The following LRRC71 variants were observed in gnomAD, a reference collection of about 807,000 sequenced individuals.
LRRC71 encodes the protein leucine rich repeat containing 71.
Under a neutral mutation model 66.6 loss-of-function variants are expected in LRRC71, and 54 were observed. The observed-to-expected ratio is 0.81, with a 90% CI of 0.65 to 1.02. The LOEUF (loss-of-function observed/expected upper bound fraction) is 1.02. Ranked by LOEUF, LRRC71 falls within the 50% of genes least tolerant of loss-of-function variation. LRRC71 has a pLI of 0.00. For missense variants in LRRC71, 724 were observed against 718.0 expected, an observed-to-expected ratio of 1.01 and a Z score of -0.10; for synonymous variants, 323 against 303.9, an observed-to-expected ratio of 1.06 and a Z score of -0.65.
Position 156,927,282 on chromosome 1 carries a change from T to A in LRRC71, c.662+12T>A. ...GCCTTGGACAGCACGTGAGACTCCC[T>A]GCCCTCACCCCCTTTCTCTGGGCCT... On this transcript the variant is annotated intron_variant, in intron 6 of 14. Coordinates refer to ENST00000337428, the MANE Select transcript of LRRC71 (RefSeq NM_144702.3). The A allele has an allele frequency of 1.9e-6, 3 of 1,612,568 alleles. No individual in the cohort carries two copies. The highest frequency in any genetic ancestry group is 1.7e-6 in the Non-Finnish European group (2 of 1,178,806).
chr1:156,929,591 C>G, intron 10 of LRRC71, 45 bp from the exon 11 acceptor site: 1 of 1,551,752 alleles, frequency 6.4e-7, no homozygotes, highest in Non-Finnish European at 8.7e-7. Context: ...CTGCCCATCC[C>G]CTCCGGAGGT....
intron 9 of LRRC71, among the ~76,000 whole-genome samples, chr1:156,928,351 C>CTTCTTCTTCTTCTTCTTCTTCTTCTTCT (rs1553188822): frequency 1.4e-5 from 1 of 71,968 alleles, no homozygotes. Flanking sequence ...TTCTTTCTTT[C>CTTCTTCTTCTTCTTCTTCTTCTTCTTCT]TCTTCTTCTT....
rs751765889 is a variant in LRRC71 at position 156,924,519 on chromosome 1, G to T, written c.406G>T (p.Asp136Tyr). ...PTIQVELEQE[D>Y]SKSVKEIYIR... ...CATCCAGGTGGAGCTGGAGCAGGAG[G>T]ACAGCAAGTCAGTGAAGGAAATCTA... is the stretch of plus-strand genomic sequence containing the variant. The change falls in exon 3 of 15, where the codon GAC (aspartate) becomes TAC (tyrosine). Residue 136 changes from aspartate (D) to tyrosine (Y), a missense_variant. Transcript: ENST00000337428. 2 of 1,551,480 alleles carry T rather than the reference G, an allele frequency of 1.3e-6. No individual in the cohort carries two copies. The highest frequency in any genetic ancestry group is 1.7e-6 in the Non-Finnish European group (2 of 1,146,988).
downstream of LRRC71, among the ~76,000 whole-genome samples, chr1:156,936,495 A>AT (rs1330599702): frequency 4.2e-3 from 241 of 57,032 alleles, no homozygotes; most frequent in Non-Finnish European, 5.3e-3. Context: ...AAAAAAAAAA[A>AT]AAATATATAT....
chr1:156,925,434 G>A (rs1653045699), intron 5 of LRRC71, among the ~76,000 whole-genome samples: 1 of 152,234 alleles, frequency 6.6e-6, no homozygotes, highest in South Asian at 2.1e-4. Context: ...GCAGGGCAAT[G>A]TGGAGACTGG....
At chr1:156,937,379 T>C (rs370918950), downstream of LRRC71, 2 of 1,608,364 alleles carry the variant, frequency 1.2e-6, no homozygotes, top group South Asian at 2.2e-5. Flanking sequence ...CAGCTGAGGC[T>C]GAGGCTCTGT....
chr1:156,932,786 T>C (rs924443930), intron 14 of LRRC71, 67 bp from the exon 15 acceptor site: 2 of 1,514,378 alleles, frequency 1.3e-6, no homozygotes, highest in African/African-American at 1.4e-5. Flanking sequence ...AGGACCATTT[T>C]TTTTTTTCTG....
chr1:156,925,878 T>A (rs1455641647), intron 5 of LRRC71, among the ~76,000 whole-genome samples: 5 of 152,256 alleles, frequency 3.3e-5, no homozygotes. Flanking sequence ...ATGAAACATA[T>A]TTCCTTCCAT....
chr1:156,939,305 G>A, the LRRC71 span: 5 of 566,270 alleles, frequency 8.8e-6, no homozygotes, highest in African/African-American at 7.5e-5. Context: ...AAAGTTCAGA[G>A]ATGATTCAGA....
At chr1:156,938,413 A>C in the LRRC71 span, 1 of 1,612,574 alleles carries the variant, frequency 6.2e-7, no homozygotes. Context: ...GGAGAAAGTT[A>C]TTACCCGTAG....
intron 5 of LRRC71, among the ~76,000 whole-genome samples, chr1:156,925,505 G>A (rs759586209): frequency 7.5e-4 from 115 of 152,356 alleles, no homozygotes; most frequent in South Asian, 4.1e-4. Flanking sequence ...CCCACTTTAT[G>A]GATGTGAGGC....
chr1:156,935,369 T>G (rs1460519024), downstream of LRRC71: 1 of 152,130 alleles, frequency 6.6e-6, no homozygotes, highest in African/African-American at 2.4e-5. Flanking sequence ...CAGGCCTGGC[T>G]CCCGCTTTAG....
At chr1:156,928,410 C>G (rs187740297) in intron 9 of LRRC71, among the ~76,000 whole-genome samples, 1 of 131,660 alleles carries the variant, frequency 7.6e-6, no homozygotes, top group East Asian at 2.4e-4. Context: ...TCTTCTTCCT[C>G]TTATTCCTCC....
At chr1:156,935,203 T>C (rs1013732089), downstream of LRRC71, 5 of 152,308 alleles carry the variant, frequency 3.3e-5, no homozygotes, top group South Asian at 2.1e-4. Flanking sequence ...GAGGGGGACA[T>C]AGGTGGGGTA....
At chr1:156,930,743 C>A in intron 12 of LRRC71, 126 bp downstream of exon 12, 2 of 880,768 alleles carry the variant, frequency 2.3e-6, no homozygotes, top group Non-Finnish European at 3.5e-6. Context: ...CAGCCATTTG[C>A]CTTCAAATTT....
chr1:156,922,297 G>C (rs969238818), intron 1 of LRRC71, among the ~76,000 whole-genome samples: 3 of 152,144 alleles, frequency 2.0e-5, no homozygotes, highest in African/African-American at 7.2e-5. Context: ...GTAGAGGATG[G>C]CAGGGAAACC....
chr1:156,929,695 T>TA lies in LRRC71; in HGVS notation c.1208dup (p.Lys404GlufsTer16). 2.5e-6 allele frequency: 4 copies of TA among 1,578,950 alleles called. No individual in the cohort carries two copies. Among genetic ancestry groups the TA allele is most frequent in the Non-Finnish European group, 3.4e-6 (4 of 1,162,500 alleles). ...GGCAGTCACCCACACAAGGAACCCCTAAGAAGGAAGATGCCACAAAGGCAG... is the reference window on the plus strand; with the variant it reads ...GGCAGTCACCCACACAAGGAACCCCTAAAGAAGGAAGATGCCACAAAGGCAG... On this transcript the variant is annotated frameshift_variant, in exon 11 of 15. Transcript: ENST00000337428. LOFTEE classifies it high-confidence loss of function.
At chr1:156,931,334 T>C (rs1221840143) in intron 12 of LRRC71, among the ~76,000 whole-genome samples, 1 of 152,188 alleles carries the variant, frequency 6.6e-6, no homozygotes, top group Non-Finnish European at 1.5e-5. Flanking sequence ...CAAGACAAAA[T>C]CTTACAAAAG....
At chr1:156,926,147 A>T (rs1314749069) in intron 5 of LRRC71, among the ~76,000 whole-genome samples, 2 of 152,236 alleles carry the variant, frequency 1.3e-5, no homozygotes, top group Non-Finnish European at 2.9e-5. Flanking sequence ...AGCAACTGCC[A>T]TGTGGAGGCT....
Sources: gnomAD v4.1 joint callset for allele counts (sites outside exome capture counted in the v4.1 genomes callset) on GRCh38, gnomAD v4.1.1 for gene constraint, MANE v1.5 for transcripts, NCBI Gene and HGNC (gene_info 2026-07-23, HGNC 2026-07-21) for gene names.